The following KRI1 variants were observed in gnomAD, a reference collection of about 807,000 sequenced individuals.
KRI1 encodes protein KRI1 homolog.
A neutral mutation model predicts 97.0 loss-of-function variants in KRI1; 83 were observed. That is an observed-to-expected ratio of 0.86 (90% CI 0.72 to 1.03). The LOEUF is 1.03. KRI1 is among the 50% of genes least tolerant of loss of function. The pLI is 0.00. For synonymous variants in KRI1, 371 were observed against 363.5 expected (o/e 1.02, Z -0.23); for missense variants, 916 against 928.4 (o/e 0.99, Z 0.17).
intron 16 of KRI1, among the ~76,000 whole-genome samples, chr19:10,555,992 A>G (rs1560688): frequency 0.63 from 95,846 of 152,000 alleles, 31,482 homozygotes; most frequent in East Asian, 0.95. Flanking sequence ...AGGCACAGAT[A>G]GGGGAATCAT....
chr19:10,558,903 C>T (rs1320219743), intron 12 of KRI1, among the ~76,000 whole-genome samples: 2 of 151,910 alleles, frequency 1.3e-5, no homozygotes, highest in Non-Finnish European at 2.9e-5. Context: ...GATGGGGATT[C>T]TCCATGTTGG....
At chr19:10,560,621 A>G (rs577484325) in intron 8 of KRI1, among the ~76,000 whole-genome samples, 173 bp from the exon 9 acceptor site, 1 of 152,318 alleles carries the variant, frequency 6.6e-6, no homozygotes, top group East Asian at 1.9e-4. Context: ...GTGACAGTAC[A>G]GTCGTGTGAT....
chr19:10,559,832 A>T lies in KRI1; in HGVS notation c.905T>A (p.Phe302Tyr). ...EDFEQKYNFR[F>Y]EEPDSASVKT... ...CACCGATGCTGAGTCCGGCTCCTCG[A>T]AACGGAAATTGTACTTCTGTTCAAA... Residue 302 changes from phenylalanine to tyrosine, a missense_variant, in exon 10 of 19, where the codon TTC (phenylalanine) becomes TAC (tyrosine). Physicochemically the swap from Phe to Tyr is conservative, Grantham distance 22. Around this residue, in one of 3 missense-constraint regions of KRI1, gnomAD observed 672 missense variants for 667.2 expected, o/e 1.01. Coordinates refer to ENST00000312962, the MANE Select transcript of KRI1 (RefSeq NM_023008.5). 6.2e-7 allele frequency: 1 copy of T among 1,613,900 alleles called. No individual in the cohort carries two copies. The highest frequency in any genetic ancestry group is 8.5e-7 in the Non-Finnish European group (1 of 1,180,008).
chr19:10,564,332 T>C (rs1317260368), intron 3 of KRI1, among the ~76,000 whole-genome samples: 1 of 146,616 alleles, frequency 6.8e-6, no homozygotes, highest in Admixed American at 6.8e-5. Flanking sequence ...TGGTGGCGCG[T>C]GCCTGTAATT....
intron 16 of KRI1, among the ~76,000 whole-genome samples, chr19:10,556,259 G>A (rs954938470): frequency 6.6e-6 from 1 of 152,154 alleles, no homozygotes; most frequent in Non-Finnish European, 1.5e-5. Context: ...CTGGGCTCAA[G>A]TGATCCTCCT....
Position 10,560,454 on chromosome 19 carries a change from G to T in KRI1, c.664-6C>A. ...CAGTATTCCTTGAGATGCGTCTGGG[G>T]GTGACAGGAGACAGGACTCTGGTCA... On this transcript the variant is annotated splice_polypyrimidine_tract_variant and splice_region_variant and intron_variant, in intron 8 of 18. Coordinates refer to ENST00000312962, the MANE Select transcript of KRI1 (RefSeq NM_023008.5). The T allele has an allele frequency of 6.2e-7, 1 of 1,602,580 alleles. No homozygotes were observed. Among genetic ancestry groups the T allele is most frequent in the Non-Finnish European group, 8.5e-7 (1 of 1,173,054 alleles).
In KRI1 at chr19:10,555,117, C is replaced by T. The variant is rs199551803; in HGVS notation, c.1751G>A (p.Arg584Gln). 3.0e-5 allele frequency: 48 copies of T among 1,614,198 alleles called. No individual in the cohort carries two copies. The highest frequency in any genetic ancestry group is 2.1e-4 in the South Asian group (19 of 91,084). ...TCGGCAGAGTGACTTGAAGACCTGC[C>T]GCTTTTTCCATGAGTTCTGGGCCTT... ...SQKAQNSWKK[R>Q]QVFKSLCREE... The change falls in exon 18 of 19, where the codon CGG becomes CAG. Residue 584 changes from arginine (R) to glutamine (Q), a missense_variant. Transcript: ENST00000312962.
At chr19:10,565,059 T>C in intron 2 of KRI1, 25 bp from the exon 3 acceptor site, 3 of 1,481,196 alleles carry the variant, frequency 2.0e-6, no homozygotes, top group East Asian at 2.3e-5. Flanking sequence ...GGGTTGGGGA[T>C]AGATTTCAGA....
At chr19:10,564,415 G>A (rs1296523617) in intron 3 of KRI1, among the ~76,000 whole-genome samples, 3 of 151,552 alleles carry the variant, frequency 2.0e-5, no homozygotes, top group African/African-American at 7.3e-5. Context: ...AGCTGAGATC[G>A]TCCCATTGCA....
chr19:10,557,864 C>T lies in KRI1; in HGVS notation c.1391G>A (p.Arg464Lys), dbSNP rs745369855. ...MDADYDPSQP[R>K]KKKREAPLTG... ...CAAGGGGGCCTCGCGCTTTTTCTTC[C>T]TCGGCTGGCTGGGGTCGTAGTCGGC... The change falls in exon 15 of 19, where the codon AGG (arginine) becomes AAG (lysine). Residue 464 changes from arginine to lysine, a missense_variant. Arg to Lys is a conservative substitution (Grantham distance 26, BLOSUM62 2). Around this residue, in one of 3 missense-constraint regions of KRI1, gnomAD observed 672 missense variants for 667.2 expected, o/e 1.01. Transcript: ENST00000312962. 7 of 1,613,524 alleles carry T rather than the reference C, an allele frequency of 4.3e-6. No individual in the cohort carries two copies. In the Admixed American group the frequency reaches 8.3e-5, roughly 19 times the overall value.
At chr19:10,565,128 A>T in intron 2 of KRI1, 94 bp from the exon 3 acceptor site, 7 of 770,538 alleles carry the variant, frequency 9.1e-6, no homozygotes, top group African/African-American at 5.3e-5. Context: ...ATTAGGATGG[A>T]GGGGGGTGGA....
At position 10,556,361 on chromosome 19, in the gene KRI1, A is replaced by C. The variant is rs114757407; in HGVS notation, c.1618-1012T>G. On this transcript the variant is annotated intron_variant, in intron 16 of 18. Coordinates refer to ENST00000312962, the MANE Select transcript of KRI1 (RefSeq NM_023008.5). The stretch of plus-strand genomic sequence containing the variant: ...TTACCAGCCAGACTGCTGCTAATAC[A>C]TACTGACAGGAATAAAATAATATTG... Among the ~76,000 whole-genome samples, 340 of 152,244 alleles carry C rather than the reference A, an allele frequency of 2.2e-3. 1 individual carries two copies. The highest frequency in any genetic ancestry group is 7.9e-3 in the African/African-American group (327 of 41,534).
chr19:10,561,352 G>A lies in KRI1; in HGVS notation c.489-87C>T, dbSNP rs1916692080. On this transcript the variant is annotated intron_variant, in intron 6 of 18. Coordinates refer to ENST00000312962, the MANE Select transcript of KRI1 (RefSeq NM_023008.5). The stretch of plus-strand genomic sequence containing the variant: ...ATTTATTTTATTTTGTAGAGCTGGG[G>A]TCTCACTATGTTGCCCAGGCTGATC... 2.5e-6 allele frequency: 3 copies of A among 1,211,046 alleles called. No homozygotes were observed. In the Admixed American group the frequency reaches 5.7e-5, roughly 23 times the overall value. The allele number at this position is 1,211,046 out of a possible 1,614,324, so 75.0% of individuals were successfully genotyped here. A position where few individuals can be genotyped will look rare whatever the true frequency, so the allele number is the denominator to read the frequency against.
chr19:10,564,146 C>CAA (rs144396358), intron 3 of KRI1, among the ~76,000 whole-genome samples: 2 of 96,310 alleles, frequency 2.1e-5, no homozygotes, highest in Admixed American at 1.2e-4. Flanking sequence ...AACTCCGTCT[C>CAA]AAAAAAAAAA....
rs376117133 is a variant in KRI1, at chr19:10,565,960, C to G, written c.40G>C (p.Ala14Pro). The change falls in exon 1 of 19, where the codon GCG becomes CCG. Residue 14 changes from alanine to proline, a missense_variant. Coordinates refer to ENST00000312962, the MANE Select transcript of KRI1 (RefSeq NM_023008.5). ...PRGSSQLRVN[A>P]AFAARYNRYR... The stretch of plus-strand genomic sequence containing the variant: ...CGGTTGTACCGCGCGGCAAACGCCG[C>G]GTTCACCCGCAGCTGCGACGACCCG... The G allele has an allele frequency of 6.5e-7, 1 of 1,528,432 alleles. No individual in the cohort carries two copies. The highest frequency in any genetic ancestry group is 1.4e-5 in the African/African-American group (1 of 70,632). The allele number at this position is 1,528,432 out of a possible 1,614,324, so 94.7% of individuals were successfully genotyped here. A position where few individuals can be genotyped will look rare whatever the true frequency, so the allele number is the denominator to read the frequency against.
At chr19:10,554,838 C>T (rs758165649) in intron 18 of KRI1, among the ~76,000 whole-genome samples, 1 of 150,010 alleles carries the variant, frequency 6.7e-6, no homozygotes, top group African/African-American at 2.4e-5. Context: ...AGAATTAACT[C>T]ATTTCATCCT....
At chr19:10,554,424 A>G in intron 18 of KRI1, 143 bp from the exon 19 acceptor site, 1 of 707,944 alleles carries the variant, frequency 1.4e-6, no homozygotes, top group Admixed American at 2.9e-5. Context: ...TGGGATTCAG[A>G]CCTGGGTTTC....
chr19:10,553,981 C>T lies in KRI1; in HGVS notation c.2082G>A (p.Arg694=). 2 of 1,610,630 alleles carry T rather than the reference C, an allele frequency of 1.2e-6. No individual in the cohort carries two copies. The highest frequency in any genetic ancestry group is 1.7e-6 in the Non-Finnish European group (2 of 1,178,098). Reference sequence around the variant, plus strand: ...AGCTGTTCTTGGGCCCCTGTTGTTTCCTCCGCTGCCGGCCCAGCTGGCGGA... The same window carrying T: ...AGCTGTTCTTGGGCCCCTGTTGTTTTCTCCGCTGCCGGCCCAGCTGGCGGA... ...LHFRQLGRQR[R]KQQGPKNSS is the part of the protein sequence containing the mutation. Residue 694 remains arginine, a synonymous_variant, in exon 19 of 19, where the codon AGG becomes AGA. Coordinates refer to ENST00000312962, the MANE Select transcript of KRI1 (RefSeq NM_023008.5).
At position 10,565,816 on chromosome 19, in the gene KRI1, C is replaced by CCCCG. The variant is rs1555750216; in HGVS notation, c.95-27_95-26insCGGG. ...CTGCGGGACACAGACGGGATGCCCC[C>CCCCG]CCCCAGGTCAGCCGGCGGGGCCACT... On this transcript the variant is annotated intron_variant, in intron 1 of 18. Coordinates refer to ENST00000312962, the MANE Select transcript of KRI1 (RefSeq NM_023008.5). The CCCCG allele has an allele frequency of 2.6e-6, 4 of 1,550,402 alleles. 1 individual carries two copies. The South Asian group carries it at 4.7e-5, about 18-fold the overall frequency.
Sources: allele counts gnomAD v4.1 joint callset (sites outside exome capture counted in the v4.1 genomes callset), GRCh38; gene constraint gnomAD v4.1.1; regional missense constraint gnomAD v4.1.1; transcripts MANE v1.5; gene names NCBI Gene and HGNC (gene_info 2026-07-23, HGNC 2026-07-21).